Variants in CLDN20 observed in about 807,000 individuals in gnomAD.
CLDN20 encodes the protein claudin 20, also known as claudin-20.
For synonymous variants in CLDN20, 104 were observed against 103.6 expected, an observed-to-expected ratio of 1.00 and a Z score of -0.03; for missense variants, 258 against 267.9, an observed-to-expected ratio of 0.96 and a Z score of 0.26.
intron 1 of CLDN20, among the ~76,000 whole-genome samples, chr6:155,266,681 C>A (rs1161093297): frequency 2.0e-5 from 3 of 151,786 alleles, no homozygotes; most frequent in Non-Finnish European, 4.4e-5. Context: ...CCCGTCTCTA[C>A]TAAAAAATAC....
chr6:155,274,170 T>C (rs1785064668), intron 1 of CLDN20, among the ~76,000 whole-genome samples: 1 of 152,222 alleles, frequency 6.6e-6, no homozygotes, highest in Non-Finnish European at 1.5e-5. Context: ...TGTATCACCT[T>C]TTGTAAAATA....
intron 1 of CLDN20, among the ~76,000 whole-genome samples, chr6:155,265,846 A>T (rs1784612357): frequency 6.6e-6 from 1 of 150,998 alleles, no homozygotes; most frequent in Non-Finnish European, 1.5e-5. Flanking sequence ...GTCCCACAAT[A>T]GGCCATCTGC....
chr6:155,266,612 C>T (rs1278710169), intron 1 of CLDN20, among the ~76,000 whole-genome samples: 3 of 151,952 alleles, frequency 2.0e-5, no homozygotes, highest in Non-Finnish European at 2.9e-5. Flanking sequence ...TTTGGAAGGC[C>T]AAAGCGGGCG....
chr6:155,270,265 C>G (rs191966059), intron 1 of CLDN20, among the ~76,000 whole-genome samples: 7 of 152,276 alleles, frequency 4.6e-5, no homozygotes, highest in Admixed American at 3.9e-4. Context: ...GACGCCAAGT[C>G]AGCAGACAGA....
Position 155,275,571 on chromosome 6 carries a change from AC to A in CLDN20, c.-104-44del, listed in dbSNP as rs1191861612. ...TACTCTAAAGGGAAGCCTTTTGTTT[AC>A]TTACTTTCTTTCGCTCAATCCTGGT... is the stretch of plus-strand genomic sequence containing the variant. On this transcript the variant is annotated intron_variant, in intron 1 of 1. Coordinates refer to ENST00000367165, the MANE Select transcript of CLDN20 (RefSeq NM_001001346.3). The A allele has an allele frequency of 6.7e-6, 5 of 747,498 alleles. No individual in the cohort carries two copies. The Admixed American group carries it at 1.2e-4, about 18-fold the overall frequency. The allele number at this position is 747,498 out of a possible 1,614,324, so 46.3% of individuals were successfully genotyped here.
rs972160002 is a variant in CLDN20 at position 155,266,735 on chromosome 6, T to G, written c.-105+2447T>G. On this transcript the variant is annotated intron_variant, in intron 1 of 1. Coordinates refer to ENST00000367165, the MANE Select transcript of CLDN20 (RefSeq NM_001001346.3). ...GGTGGCGGCCGCCTGTAGTCCCCGC[T>G]ACTTGGGAGGCTGAGGCAGGAGAAT... Among the ~76,000 whole-genome samples, 4 of 149,866 alleles carry G rather than the reference T, an allele frequency of 2.7e-5. No homozygotes were observed. In the East Asian group the frequency reaches 8.3e-4, roughly 31 times the overall value.
rs890726623 is a variant in CLDN20, at chr6:155,264,267, C to T, written c.-126C>T. ...CAGTCCACTTTAGGACATCACGGGC[C>T]TCGAGGTTACAACTTTCCCAGGTAA... On this transcript the variant is annotated 5_prime_UTR_variant, in exon 1 of 2. Transcript: ENST00000367165. The T allele has an allele frequency of 2.0e-5, 3 of 152,188 alleles. No individual in the cohort carries two copies. Among genetic ancestry groups the T allele is most frequent in the Non-Finnish European group, 4.4e-5 (3 of 68,034 alleles). 9.4% of individuals were successfully genotyped at this position (152,188 alleles called of 1,614,324 possible). A position where few individuals can be genotyped will look rare whatever the true frequency, so the allele number is the denominator to read the frequency against.
In CLDN20 at chr6:155,267,560, G is replaced by A. The variant is rs980740628; in HGVS notation, c.-105+3272G>A. Among the ~76,000 whole-genome samples the A allele has an allele frequency of 2.6e-5, 4 of 152,296 alleles. No individual in the cohort carries two copies. In the East Asian group the frequency reaches 5.8e-4, roughly 22 times the overall value. ...GGACAAGCTCTGATTGGTGAGTGAC[G>A]ACAGCAGGTAAAACCAGTCTTAGAG... On this transcript the variant is annotated intron_variant, in intron 1 of 1. Transcript: ENST00000367165.
At chr6:155,265,738 T>TATATAATATATAATATAAATATATATA (rs1562389445) in intron 1 of CLDN20, among the ~76,000 whole-genome samples, 163 of 140,550 alleles carry the variant, frequency 1.2e-3, no homozygotes, top group African/African-American at 4.3e-3. Flanking sequence ...AAATATATAT[T>TATATAATATATAATATAAATATATATA]ATATATAATA....
intron 1 of CLDN20, among the ~76,000 whole-genome samples, chr6:155,268,946 TAA>T (rs1204779447): frequency 4.3e-5 from 2 of 46,432 alleles, no homozygotes; most frequent in Admixed American, 2.2e-4. Context: ...AATGATCAAT[TAA>T]AAAAAAAAAA....
intron 1 of CLDN20, among the ~76,000 whole-genome samples, chr6:155,267,726 T>C (rs976170642): frequency 3.3e-5 from 5 of 152,184 alleles, no homozygotes; most frequent in African/African-American, 1.2e-4. Flanking sequence ...TTTTTCCTCC[T>C]GGCCCCTTGA....
At chr6:155,272,758 C>T (rs1275777909) in intron 1 of CLDN20, among the ~76,000 whole-genome samples, 1 of 152,122 alleles carries the variant, frequency 6.6e-6, no homozygotes, top group East Asian at 1.9e-4. Flanking sequence ...CAACAGTAAG[C>T]AAGCACTATG....
rs543818429 is a variant in CLDN20 at position 155,270,047 on chromosome 6, T to G, written c.-104-5569T>G. Among the ~76,000 whole-genome samples, 5 of 152,366 alleles carry G rather than the reference T, an allele frequency of 3.3e-5. No homozygotes were observed. In the East Asian group the frequency reaches 9.6e-4, roughly 29 times the overall value. Reference sequence around the variant, plus strand: ...GAAGAGGAGCTCAGAGGTGGAAGGTTCTTGTTCTAGTCTGAAGTCAGAAAC... The same window carrying G: ...GAAGAGGAGCTCAGAGGTGGAAGGTGCTTGTTCTAGTCTGAAGTCAGAAAC... On this transcript the variant is annotated intron_variant, in intron 1 of 1. Coordinates refer to ENST00000367165, the MANE Select transcript of CLDN20 (RefSeq NM_001001346.3).
In CLDN20 at chr6:155,276,515, T is replaced by TTG; in HGVS notation, c.*137_*138insGT. The TTG allele has an allele frequency of 2.7e-6, 2 of 736,172 alleles. No homozygotes were observed. The highest frequency in any genetic ancestry group is 2.2e-6 in the Non-Finnish European group (1 of 451,812). 45.6% of individuals were successfully genotyped at this position (736,172 alleles called of 1,614,324 possible). On this transcript the variant is annotated 3_prime_UTR_variant, in exon 2 of 2. Transcript: ENST00000367165. ...AAATACTTTAACAACTACAAAGTAG[T>TTG]TTAAAATGCCAATAAAACTATCATA... is the stretch of plus-strand genomic sequence containing the variant.
At chr6:155,274,642 C>T (rs1376420524) in intron 1 of CLDN20, among the ~76,000 whole-genome samples, 2 of 152,166 alleles carry the variant, frequency 1.3e-5, no homozygotes, top group East Asian at 1.9e-4. Flanking sequence ...GTACCAGGCA[C>T]CTGAAGTAAA....
intron 1 of CLDN20, among the ~76,000 whole-genome samples, chr6:155,264,976 T>C (rs777071544): frequency 2.0e-4 from 31 of 152,164 alleles, no homozygotes; most frequent in South Asian, 4.1e-4. Flanking sequence ...CTGACAATTG[T>C]TGTATAAAGG....
chr6:155,273,719 G>T (rs1785045460), intron 1 of CLDN20, among the ~76,000 whole-genome samples: 1 of 152,168 alleles, frequency 6.6e-6, no homozygotes, highest in South Asian at 2.1e-4. Context: ...ATGACCCTGT[G>T]AGGTAGGAGG....
At chr6:155,269,489 T>G (rs1264880445) in intron 1 of CLDN20, among the ~76,000 whole-genome samples, 1 of 151,906 alleles carries the variant, frequency 6.6e-6, no homozygotes, top group African/African-American at 2.4e-5. Context: ...GCCTGGCTAA[T>G]TTTTGTATTT....
In CLDN20 at chr6:155,276,302, G is replaced by A. The variant is rs538851441; in HGVS notation, c.583G>A (p.Asp195Asn). The A allele has an allele frequency of 6.1e-5, 98 of 1,613,666 alleles. No homozygotes were observed. Among genetic ancestry groups the A allele is most frequent in the South Asian group, 5.7e-4 (52 of 91,052 alleles). Residue 195 changes from aspartate to asparagine, a missense_variant, in exon 2 of 2, where the codon GAC (aspartate) becomes AAC (asparagine). By Grantham distance (23) the Asp-to-Asn change is conservative. Transcript: ENST00000367165. ...CIKRNPEARL[D>N]PPTQQPISNT... is the part of the protein sequence containing the mutation. Reference sequence around the variant, plus strand: ...AAAAAGGAATCCAGAAGCTAGACTCGACCCACCCACACAGCAGCCTATCTC... The same window carrying A: ...AAAAAGGAATCCAGAAGCTAGACTCAACCCACCCACACAGCAGCCTATCTC...
Sources: allele counts gnomAD v4.1 joint callset (sites outside exome capture counted in the v4.1 genomes callset), GRCh38; gene constraint gnomAD v4.1.1; transcripts MANE v1.5; gene names NCBI Gene and HGNC (gene_info 2026-07-23, HGNC 2026-07-21).